Variants in PRR13 observed in about 807,000 individuals in gnomAD.
PRR13 encodes the protein proline rich 13.
PRR13 carries 7 observed loss-of-function variants against 11.5 expected under a neutral mutation model. The observed-to-expected ratio is 0.61, with a 90% CI of 0.34 to 1.14. The LOEUF (loss-of-function observed/expected upper bound fraction) is 1.14. PRR13 is among the 50% of genes most tolerant of loss of function. The pLI is 0.03. For missense variants in PRR13, 155 were observed against 194.4 expected (o/e 0.80, Z 1.21); for synonymous variants, 53 against 67.8 (o/e 0.78, Z 1.07).
intron 3 of PRR13, 189 bp downstream of exon 3, chr12:53,443,962 A>G (rs1394132724): frequency 1.3e-6 from 1 of 776,290 alleles, no homozygotes; most frequent in South Asian, 2.1e-5. Flanking sequence ...GAAAATAAAC[A>G]TCAGGCTTCT....
At chr12:53,445,978 T>A in intron 3 of PRR13, 37 bp from the exon 4 acceptor site, 1 of 1,609,554 alleles carries the variant, frequency 6.2e-7, no homozygotes, top group Non-Finnish European at 8.5e-7. Context: ...TTGGATCTGA[T>A]GCTATCTTCT....
intron 3 of PRR13, among the ~76,000 whole-genome samples, chr12:53,445,240 C>G (rs1940378189): frequency 6.6e-6 from 1 of 151,312 alleles, no homozygotes; most frequent in East Asian, 1.9e-4. Context: ...CCCAGCTACT[C>G]TGGAGGCTAA....
intron 2 of PRR13, 56 bp downstream of exon 2, chr12:53,442,789 A>T (rs1281769224): frequency 1.3e-6 from 2 of 1,559,426 alleles, no homozygotes; most frequent in African/African-American, 2.7e-5. Flanking sequence ...GGGCTCTATA[A>T]CAGGAAGTTT....
At chr12:53,444,759 G>A (rs1474785484) in intron 3 of PRR13, among the ~76,000 whole-genome samples, 1 of 152,146 alleles carries the variant, frequency 6.6e-6, no homozygotes, top group African/African-American at 2.4e-5. Flanking sequence ...TTAGCTGGGT[G>A]TGGTGGCGCA....
chr12:53,442,476 C>G, intron 1 of PRR13: 1 of 456,184 alleles, frequency 2.2e-6, no homozygotes, highest in Non-Finnish European at 4.0e-6. Flanking sequence ...AACTCTTGAC[C>G]TCGTGATCCA....
chr12:53,446,335 G>A lies in PRR13; in HGVS notation c.*276G>A. On this transcript the variant is annotated 3_prime_UTR_variant, in exon 4 of 4. Coordinates refer to ENST00000429243, the MANE Select transcript of PRR13 (RefSeq NM_018457.4). Reference sequence around the variant, plus strand: ...ATGATGAACTAAATGTTGAAGACAAGTTTGAGATCTGTAAAATGTGATTTT... The same window carrying A: ...ATGATGAACTAAATGTTGAAGACAAATTTGAGATCTGTAAAATGTGATTTT... 2.6e-6 allele frequency: 1 copy of A among 390,990 alleles called. No homozygotes were observed. The highest frequency in any genetic ancestry group is 4.5e-6 in the Non-Finnish European group (1 of 222,994). 24.2% of individuals were successfully genotyped at this position (390,990 alleles called of 1,614,324 possible).
chr12:53,444,479 G>A (rs1168320805), intron 3 of PRR13, among the ~76,000 whole-genome samples: 7 of 151,988 alleles, frequency 4.6e-5, no homozygotes, highest in Admixed American at 3.3e-4. Flanking sequence ...ACAGGCGCCC[G>A]CCACCGCGCC....
At chr12:53,445,066 A>G (rs1315440214) in intron 3 of PRR13, among the ~76,000 whole-genome samples, 1 of 152,108 alleles carries the variant, frequency 6.6e-6, no homozygotes, top group Non-Finnish European at 1.5e-5. Context: ...AAATCTGAAG[A>G]GAAGGCTGTG....
Position 53,443,612 on chromosome 12 carries a change from T to A in PRR13, c.241T>A (p.Tyr81Asn). Residue 81 changes from tyrosine (Y) to asparagine (N), a missense_variant, in exon 3 of 4, where the codon TAC (tyrosine) becomes AAC (asparagine). Coordinates refer to ENST00000429243, the MANE Select transcript of PRR13 (RefSeq NM_018457.4). ...ACCGTTGGGTCCCTACCCTCCTCCA[T>A]ACCCACCGCCTGCCCCTGGAATCCC... ...CQPLGPYPPP[Y>N]PPPAPGIPPV... 1 of 1,613,636 alleles carries A rather than the reference T, an allele frequency of 6.2e-7. No homozygotes were observed. The highest frequency in any genetic ancestry group is 8.5e-7 in the Non-Finnish European group (1 of 1,179,874).
At chr12:53,441,999 G>A (rs1359943548) in intron 1 of PRR13, 2 of 604,860 alleles carry the variant, frequency 3.3e-6, no homozygotes, top group Non-Finnish European at 2.9e-6. Context: ...CCTGAGGTGG[G>A]GTCCTCCCCA....
intron 1 of PRR13, chr12:53,442,447 GTTGGCCAGGCTGGTCTCGAACTC>G: frequency 2.8e-6 from 1 of 361,268 alleles, no homozygotes; most frequent in Non-Finnish European, 5.1e-6. Context: ...GTTTCACGAT[GTTGGCCAGGCTGGTCTCGAACTC>G]TTGACCTCGT....
chr12:53,441,773 G>C lies in PRR13; in HGVS notation c.-40G>C, dbSNP rs180927034. 2.1e-4 allele frequency: 146 copies of C among 702,200 alleles called. No individual in the cohort carries two copies. Among genetic ancestry groups the C allele is most frequent in the Non-Finnish European group, 3.5e-4 (133 of 384,822 alleles). 43.5% of individuals were successfully genotyped at this position (702,200 alleles called of 1,614,324 possible). ...GAGACTGCGAAGGAGAACGCAGCAA[G>C]CCCAGGCGGCGGTGGAAAGGTGATG... On this transcript the variant is annotated 5_prime_UTR_variant, in exon 1 of 4. Transcript: ENST00000429243.
chr12:53,443,993 G>C, intron 3 of PRR13: 1 of 642,586 alleles, frequency 1.6e-6, no homozygotes, highest in South Asian at 2.7e-5. Flanking sequence ...GGGAGTTAGG[G>C]TGAGCCTTAG....
At chr12:53,442,078 C>A in intron 1 of PRR13, 1 of 499,700 alleles carries the variant, frequency 2.0e-6, no homozygotes, top group Non-Finnish European at 3.5e-6. Context: ...TACTCAGTTC[C>A]AGGGAAAGGG....
chr12:53,441,956 C>G (rs1592616379), intron 1 of PRR13, 164 bp downstream of exon 1: 1 of 627,930 alleles, frequency 1.6e-6, no homozygotes, highest in South Asian at 1.9e-5. Context: ...CAACTTCCTT[C>G]TTACTTCGCC....
chr12:53,442,760 C>T (rs370409438), intron 2 of PRR13, 27 bp downstream of exon 2: 2 of 1,598,196 alleles, frequency 1.3e-6, no homozygotes, highest in Non-Finnish European at 1.7e-6. Context: ...TCTGTTCCAC[C>T]CCTAACCCTT....
Position 53,441,747 on chromosome 12 carries a change from C to T in PRR13, c.-66C>T, listed in dbSNP as rs904359442. The T allele has an allele frequency of 4.3e-6, 3 of 701,396 alleles. No homozygotes were observed. Among genetic ancestry groups the T allele is most frequent in the South Asian group, 3.0e-5 (2 of 67,508 alleles). The allele number at this position is 701,396 out of a possible 1,614,324, so 43.4% of individuals were successfully genotyped here. ...CGGGGTCTGGGTGACTAGGAAGAGC[C>T]GAGACTGCGAAGGAGAACGCAGCAA... On this transcript the variant is annotated 5_prime_UTR_variant, in exon 1 of 4. Coordinates refer to ENST00000429243, the MANE Select transcript of PRR13 (RefSeq NM_018457.4).
At chr12:53,445,368 C>G (rs530922993) in intron 3 of PRR13, among the ~76,000 whole-genome samples, 37 of 147,702 alleles carry the variant, frequency 2.5e-4, no homozygotes, top group African/African-American at 8.5e-4. Context: ...AAAAAAAGGT[C>G]TGAAGAGAAC....
intron 2 of PRR13, chr12:53,443,017 C>T (rs1028356676): frequency 2.1e-5 from 8 of 385,304 alleles, no homozygotes; most frequent in African/African-American, 8.3e-5. Flanking sequence ...CTATCACGCC[C>T]GGCTACTTTT....
Sources: allele counts gnomAD v4.1 joint callset (sites outside exome capture counted in the v4.1 genomes callset), GRCh38; gene constraint gnomAD v4.1.1; transcripts MANE v1.5; gene names NCBI Gene and HGNC (gene_info 2026-07-23, HGNC 2026-07-21).